ITPR2: variants seen among roughly 807,000 people sequenced by gnomAD.
ITPR2 encodes inositol 1,4,5-trisphosphate-gated calcium channel ITPR2.
A neutral mutation model predicts 317.1 loss-of-function variants in ITPR2; 207 were observed. The ratio of observed to expected loss-of-function variants is 0.65; its 90% CI spans 0.58 to 0.73. The LOEUF (loss-of-function observed/expected upper bound fraction) is 0.73. Ranked by LOEUF, ITPR2 falls within the 30% of genes least tolerant of loss-of-function variation. The probability of loss-of-function intolerance (pLI) is 0.00; values close to 1 mark genes in which losing one functional copy is unlikely to be tolerated. For missense variants in ITPR2, 2,613 were observed against 3,284.0 expected (o/e 0.80, Z 4.99); for synonymous variants, 1,156 against 1,149.1 (o/e 1.01, Z -0.12).
At position 26,415,404 on chromosome 12, in the gene ITPR2, G is replaced by C. The variant is rs781565051; in HGVS notation, c.7205C>G (p.Ala2402Gly). The C allele has an allele frequency of 3.1e-6, 5 of 1,613,030 alleles. No individual in the cohort carries two copies. Among genetic ancestry groups the C allele is most frequent in the Non-Finnish European group, 4.2e-6 (5 of 1,179,292 alleles). The change falls in exon 51 of 57, where the codon GCT (alanine) becomes GGT (glycine). Residue 2402 changes from alanine (A) to glycine (G), a missense_variant. Around this residue, in one of 9 missense-constraint regions of ITPR2, gnomAD observed 14 missense variants for 48.2 expected, o/e 0.29. Coordinates refer to ENST00000381340, the MANE Select transcript of ITPR2 (RefSeq NM_002223.4). ...GGAAAACAGGTAGACGAGGATGAGA[G>C]CCAGGACTGCAGTTAGAATAATAGA... Reference protein sequence around the residue: ...GRSIILTAVLALILVYLFSII... With the variant: ...GRSIILTAVLGLILVYLFSII...
intron 36 of ITPR2, among the ~76,000 whole-genome samples, chr12:26,552,029 G>A (rs373391757): frequency 1.6e-4 from 24 of 152,292 alleles, no homozygotes; most frequent in East Asian, 9.7e-4. Flanking sequence ...GGAGCAAGGC[G>A]AGTGAGCAGT....
At chr12:26,670,724 A>T (rs1472645071) in intron 13 of ITPR2, among the ~76,000 whole-genome samples, 1 of 152,238 alleles carries the variant, frequency 6.6e-6, no homozygotes, top group Non-Finnish European at 1.5e-5. Flanking sequence ...AGTTGAGAGA[A>T]GAAGGCTTCA....
At chr12:26,429,094 A>G (rs1042543900) in intron 48 of ITPR2, among the ~76,000 whole-genome samples, 10 of 152,350 alleles carry the variant, frequency 6.6e-5, no homozygotes, top group African/African-American at 1.9e-4. Context: ...TTGTACTGTC[A>G]TCAAAACCCT....
intron 23 of ITPR2, among the ~76,000 whole-genome samples, chr12:26,626,805 G>A (rs1565650047): frequency 6.6e-6 from 1 of 152,228 alleles, no homozygotes; most frequent in African/African-American, 2.4e-5. Flanking sequence ...AAGAAGAGGG[G>A]AGAGTTCCTA....
intron 21 of ITPR2, among the ~76,000 whole-genome samples, chr12:26,652,888 A>G (rs1222091076): frequency 6.6e-6 from 1 of 152,226 alleles, no homozygotes; most frequent in Admixed American, 6.5e-5. Flanking sequence ...ACAAGCCTCT[A>G]GATCAGGGTG....
chr12:26,794,619 C>T (rs1403892238), intron 1 of ITPR2, among the ~76,000 whole-genome samples: 1 of 152,180 alleles, frequency 6.6e-6, no homozygotes, highest in African/African-American at 2.4e-5. Flanking sequence ...TTCTAGTTTA[C>T]AAGATATAAG....
chr12:26,365,477 C>G (rs1938981126), intron 55 of ITPR2, among the ~76,000 whole-genome samples: 1 of 152,082 alleles, frequency 6.6e-6, no homozygotes, highest in African/African-American at 2.4e-5. Context: ...TCAGAATTTT[C>G]ATTAAGTACA....
At chr12:26,451,082 G>T (rs767911818) in intron 45 of ITPR2, among the ~76,000 whole-genome samples, 10 of 152,128 alleles carry the variant, frequency 6.6e-5, no homozygotes, top group East Asian at 3.9e-4. Flanking sequence ...TAACTGGAAT[G>T]GAAAAAGAAA....
At position 26,459,045 on chromosome 12, in the gene ITPR2, G is replaced by T. The variant is rs145276244; in HGVS notation, c.6343-15395C>A. Among the ~76,000 whole-genome samples the T allele has an allele frequency of 9.8e-3, 1,486 of 152,314 alleles. 87 individuals are homozygous for T. Among genetic ancestry groups the T allele is most frequent in the Admixed American group, 0.089 (1,364 of 15,312 alleles). ...GATAAAGAGCTGCTTTTGCAAACTG[G>T]ACCCTGTGAATATTTCCTATCAGTC... On this transcript the variant is annotated intron_variant, in intron 45 of 56. Transcript: ENST00000381340.
chr12:26,418,463 A>T (rs908299062), intron 50 of ITPR2, among the ~76,000 whole-genome samples: 1 of 152,176 alleles, frequency 6.6e-6, no homozygotes, highest in Non-Finnish European at 1.5e-5. Flanking sequence ...GAATTTTTTT[A>T]AAAAGTAACC....
chr12:26,520,681 T>C (rs1462057655), intron 37 of ITPR2, among the ~76,000 whole-genome samples: 1 of 152,234 alleles, frequency 6.6e-6, no homozygotes, highest in Non-Finnish European at 1.5e-5. Flanking sequence ...TTTTCATCTT[T>C]CATTTCTTCA....
chr12:26,825,008 G>T (rs1419607069), intron 1 of ITPR2, among the ~76,000 whole-genome samples: 1 of 152,194 alleles, frequency 6.6e-6, no homozygotes, highest in Non-Finnish European at 1.5e-5. Flanking sequence ...AAGGCAGGTA[G>T]ATCACCTGAG....
intron 34 of ITPR2, among the ~76,000 whole-genome samples, chr12:26,574,100 C>T (rs1341277240): frequency 6.6e-6 from 1 of 152,002 alleles, no homozygotes; most frequent in Non-Finnish European, 1.5e-5. Flanking sequence ...TCCACTGTGA[C>T]CCCTAAGGTT....
intron 26 of ITPR2, among the ~76,000 whole-genome samples, chr12:26,603,334 A>G (rs1946048304): frequency 6.6e-6 from 1 of 152,226 alleles, no homozygotes; most frequent in Non-Finnish European, 1.5e-5. Context: ...AACCTGAAAC[A>G]CCAAAGATAC....
chr12:26,722,632 G>A (rs2291261), intron 4 of ITPR2, 77 bp from the exon 5 acceptor site: 460,154 of 1,054,264 alleles, frequency 0.44, 106,248 homozygotes, highest in Non-Finnish European at 0.49. Context: ...TTTTATACAT[G>A]TATCATATAT....
At chr12:26,426,652 T>G (rs1182935460) in intron 49 of ITPR2, among the ~76,000 whole-genome samples, 3 of 152,254 alleles carry the variant, frequency 2.0e-5, no homozygotes, top group African/African-American at 7.2e-5. Context: ...GGTAATTTGG[T>G]TGCCTGAATG....
chr12:26,447,417 G>C (rs770447925), intron 45 of ITPR2, among the ~76,000 whole-genome samples: 2 of 151,878 alleles, frequency 1.3e-5, no homozygotes, highest in Admixed American at 6.6e-5. Flanking sequence ...TAGGAGGAAG[G>C]AAATAACCAT....
intron 7 of ITPR2, 128 bp downstream of exon 7, chr12:26,715,624 G>A: frequency 5.3e-6 from 4 of 757,440 alleles, no homozygotes; most frequent in African/African-American, 1.8e-5. Flanking sequence ...AACACTTAGA[G>A]TAAGTATTAA....
rs760683551 is a variant in ITPR2 at position 26,711,239 on chromosome 12, ACC to A, written c.883_884del (p.Gly295CysfsTer11). 3.1e-6 allele frequency: 5 copies of A among 1,613,826 alleles called. No individual in the cohort carries two copies. The South Asian group carries it at 5.5e-5, about 18-fold the overall frequency. On this transcript the variant is annotated frameshift_variant, in exon 9 of 57. Coordinates refer to ENST00000381340, the MANE Select transcript of ITPR2 (RefSeq NM_002223.4). LOFTEE classifies it high-confidence loss of function. ...TGAACAAGCTGTTCCACTGTCCTGC[ACC>A]CCCACGGCATGGGTCATGATGAACC... is the stretch of plus-strand genomic sequence containing the variant. ...EVVHHDPCRG[G>X]AGQWNSLFRF... is the part of the protein sequence containing the mutation.
Sources: allele counts gnomAD v4.1 joint callset (sites outside exome capture counted in the v4.1 genomes callset), GRCh38; gene constraint gnomAD v4.1.1; regional missense constraint gnomAD v4.1.1; transcripts MANE v1.5; gene names NCBI Gene and HGNC (gene_info 2026-07-23, HGNC 2026-07-21).